The following DLGAP1 variants were observed in gnomAD, a reference collection of about 807,000 sequenced individuals.
The protein encoded by DLGAP1 is DLG associated protein 1, also known as disks large-associated protein 1.
A neutral mutation model predicts 90.8 loss-of-function variants in DLGAP1; 11 were observed. The observed-to-expected ratio is 0.12, with a 90% CI of 0.08 to 0.20. The LOEUF (loss-of-function observed/expected upper bound fraction) is 0.20, where lower values mean the gene tolerates loss of function less well. DLGAP1 is among the 10% of genes least tolerant of loss of function. The probability of loss-of-function intolerance (pLI) is 1.00; values close to 1 mark genes in which losing one functional copy is unlikely to be tolerated. For synonymous variants in DLGAP1, 558 were observed against 540.7 expected (o/e 1.03, Z -0.44); for missense variants, 1,050 against 1,333.8 (o/e 0.79, Z 3.31).
intron 7 of DLGAP1, among the ~76,000 whole-genome samples, chr18:3,694,845 A>T (rs1434763901): frequency 1.3e-5 from 2 of 151,418 alleles, no homozygotes. Context: ...GCTCACTCTG[A>T]TGAGTTTCTT....
intron 2 of DLGAP1, among the ~76,000 whole-genome samples, chr18:4,144,339 T>C (rs2076546252): frequency 6.6e-6 from 1 of 152,206 alleles, no homozygotes; most frequent in South Asian, 2.1e-4. Flanking sequence ...GCTGCCTTCA[T>C]GAGTGCTGGC....
intron 4 of DLGAP1, chr18:3,874,876 A>G (rs2070956574): frequency 1.1e-5 from 10 of 889,088 alleles, no homozygotes; most frequent in Non-Finnish European, 1.5e-5. Flanking sequence ...CTCATAATAC[A>G]ATTGACCGTA....
intron 1 of DLGAP1, among the ~76,000 whole-genome samples, chr18:4,309,849 T>A (rs1178339606): frequency 1.3e-5 from 2 of 152,170 alleles, no homozygotes; most frequent in Non-Finnish European, 2.9e-5. Flanking sequence ...CCACAGGCTT[T>A]TTGAAAATGA....
intron 10 of DLGAP1, among the ~76,000 whole-genome samples, chr18:3,532,375 T>A (rs1329850741): frequency 2.0e-5 from 3 of 149,724 alleles, no homozygotes; most frequent in Admixed American, 6.6e-5. Context: ...AGCTCAGGAG[T>A]TCAAGACCAG....
chr18:4,111,691 T>C (rs1456323402), intron 2 of DLGAP1, among the ~76,000 whole-genome samples: 1 of 152,076 alleles, frequency 6.6e-6, no homozygotes, highest in Admixed American at 6.5e-5. Context: ...TAGGAATTTG[T>C]CCATTTCATC....
At chr18:3,707,846 G>T (rs2061484485) in intron 7 of DLGAP1, among the ~76,000 whole-genome samples, 1 of 152,098 alleles carries the variant, frequency 6.6e-6, no homozygotes, top group South Asian at 2.1e-4. Flanking sequence ...TTCTAAAGAA[G>T]GGATGTTGGG....
chr18:4,187,975 G>A (rs1245687771), intron 1 of DLGAP1, among the ~76,000 whole-genome samples: 1 of 152,092 alleles, frequency 6.6e-6, no homozygotes, highest in Non-Finnish European at 1.5e-5. Flanking sequence ...TCCAGCCTAG[G>A]AGACAGAGTG....
intron 3 of DLGAP1, among the ~76,000 whole-genome samples, chr18:3,975,184 T>C (rs1400978806): frequency 6.6e-6 from 1 of 152,058 alleles, no homozygotes; most frequent in Non-Finnish European, 1.5e-5. Context: ...TTATGTGTTT[T>C]TTAATTACAA....
chr18:4,440,072 A>T (rs2083495089), intron 1 of DLGAP1, among the ~76,000 whole-genome samples: 3 of 142,820 alleles, frequency 2.1e-5, no homozygotes. Flanking sequence ...GTGAGCCGAG[A>T]TCACACCAGT....
chr18:3,837,749 G>T (rs2068472979), intron 4 of DLGAP1, among the ~76,000 whole-genome samples: 1 of 150,766 alleles, frequency 6.6e-6, no homozygotes. Flanking sequence ...CTATTTGGGG[G>T]GCTAAGGCAC....
chr18:3,671,441 G>A (rs1161686549), intron 7 of DLGAP1, among the ~76,000 whole-genome samples: 2 of 152,222 alleles, frequency 1.3e-5, no homozygotes, highest in African/African-American at 4.8e-5. Context: ...GCAGCCTGGT[G>A]CCTGGCACAC....
chr18:3,524,242 T>C (rs1257218654), intron 10 of DLGAP1, among the ~76,000 whole-genome samples: 1 of 151,674 alleles, frequency 6.6e-6, no homozygotes, highest in Non-Finnish European at 1.5e-5. Flanking sequence ...ACCACTGCAC[T>C]CCAGCCTTGG....
chr18:3,910,476 A>T (rs1466354620), intron 3 of DLGAP1, among the ~76,000 whole-genome samples: 3 of 152,212 alleles, frequency 2.0e-5, no homozygotes, highest in South Asian at 2.1e-4. Context: ...TTCATCCATT[A>T]AAGCCTGCTG....
At chr18:4,404,052 C>T (rs1425087883) in intron 1 of DLGAP1, among the ~76,000 whole-genome samples, 1 of 152,136 alleles carries the variant, frequency 6.6e-6, no homozygotes, top group Non-Finnish European at 1.5e-5. Context: ...AGGATCAGCG[C>T]CTGCAGAGAT....
chr18:4,006,060 C>G (rs2074295095), intron 2 of DLGAP1, among the ~76,000 whole-genome samples: 1 of 152,204 alleles, frequency 6.6e-6, no homozygotes, highest in African/African-American at 2.4e-5. Context: ...TTTCACTAGA[C>G]CATGACAACA....
At chr18:4,029,435 T>C (rs1434850654) in intron 2 of DLGAP1, among the ~76,000 whole-genome samples, 1 of 152,222 alleles carries the variant, frequency 6.6e-6, no homozygotes, top group South Asian at 2.1e-4. Context: ...CTTTCCATAA[T>C]GGCTCTACTA....
intron 2 of DLGAP1, among the ~76,000 whole-genome samples, chr18:4,112,853 T>G (rs1365385724): frequency 2.0e-5 from 3 of 152,188 alleles, no homozygotes; most frequent in Non-Finnish European, 2.9e-5. Context: ...ATTGAGAACA[T>G]GTAGTATTTC....
chr18:3,648,287 C>T (rs188424910), intron 7 of DLGAP1, among the ~76,000 whole-genome samples: 401 of 152,312 alleles, frequency 2.6e-3, no homozygotes, highest in Middle Eastern at 6.8e-3. Context: ...ATAACGTATG[C>T]TCTTTCAACT....
intron 7 of DLGAP1, chr18:3,604,298 T>G (rs1167763213): frequency 6.6e-6 from 1 of 152,228 alleles, no homozygotes; most frequent in African/African-American, 2.4e-5. Context: ...GCCTAAGTGC[T>G]AGAGCCCACT....
Sources: allele counts gnomAD v4.1 joint callset (sites outside exome capture counted in the v4.1 genomes callset), GRCh38; gene constraint gnomAD v4.1.1; transcripts MANE v1.5; gene names NCBI Gene and HGNC (gene_info 2026-07-23, HGNC 2026-07-21).